CEP192: variants seen among roughly 807,000 people sequenced by gnomAD.
CEP192 encodes the protein centrosomal protein 192.
Under a neutral mutation model 271.8 loss-of-function variants are expected in CEP192, and 151 were observed. That is an observed-to-expected ratio of 0.56 (90% confidence interval 0.49 to 0.64). The LOEUF is 0.64. Among genes scored for constraint, CEP192 ranks in the 30% least tolerant of loss-of-function variants. The pLI, the probability that CEP192 is intolerant of heterozygous loss-of-function variation, is 0.00. For synonymous variants in CEP192, 995 were observed against 1,076.5 expected (o/e 0.92, Z 1.48); for missense variants, 2,910 against 3,020.5 (o/e 0.96, Z 0.86).
intron 30 of CEP192, among the ~76,000 whole-genome samples, chr18:13,081,713 T>C (rs561155353): frequency 6.6e-6 from 1 of 152,208 alleles, no homozygotes; most frequent in South Asian, 2.1e-4. Context: ...CCTCTAGTTC[T>C]TTTAATTGTG....
chr18:13,040,538 T>A (rs1296708647), intron 13 of CEP192, among the ~76,000 whole-genome samples: 1 of 152,252 alleles, frequency 6.6e-6, no homozygotes, highest in Admixed American at 6.5e-5. Flanking sequence ...TTTTATCTGC[T>A]GCAGGTGTGA....
rs113026471 is a variant in CEP192 at position 13,026,106 on chromosome 18, T to C, written c.1051-3557T>C. Among the ~76,000 whole-genome samples the C allele has an allele frequency of 7.8e-3, 1,183 of 152,358 alleles. 23 individuals are homozygous for C. Among genetic ancestry groups the C allele is most frequent in the African/African-American group, 0.023 (941 of 41,588 alleles). ...TGAGAAGGTATTTCCCTTTCATGTT[T>C]GAAGGATAATTTCTTAGGGTACAGA... is the stretch of plus-strand genomic sequence containing the variant. On this transcript the variant is annotated intron_variant, in intron 9 of 44. Transcript: ENST00000506447.
intron 15 of CEP192, among the ~76,000 whole-genome samples, chr18:13,048,417 A>G (rs952910399): frequency 6.6e-6 from 1 of 152,188 alleles, no homozygotes; most frequent in African/African-American, 2.4e-5. Flanking sequence ...CCCAAAGTGC[A>G]AGAGTAGTGT....
Position 13,093,426 on chromosome 18 carries a change from G to T in CEP192, c.6254+899G>T, listed in dbSNP as rs117724528. ...TATCCTATCTGCTTACTCTCTTTCA[G>T]AATAGAGTTCCTTAGCCTTTCCTTA... On this transcript the variant is annotated intron_variant, in intron 34 of 44. Coordinates refer to ENST00000506447, the MANE Select transcript of CEP192 (RefSeq NM_032142.4). 2.3e-3 allele frequency among the ~76,000 whole-genome samples: 356 copies of T among 152,286 alleles called. 8 individuals are homozygous for T. The East Asian group carries it at 0.047, about 20-fold the overall frequency.
chr18:13,064,098 C>T (rs1351202998), intron 21 of CEP192, among the ~76,000 whole-genome samples: 2 of 151,744 alleles, frequency 1.3e-5, no homozygotes, highest in East Asian at 2.0e-4. Context: ...GGATTACAGG[C>T]GTGAGCCACT....
At chr18:13,119,798 TAAAA>T (rs2040584100) in intron 44 of CEP192, among the ~76,000 whole-genome samples, 1 of 152,206 alleles carries the variant, frequency 6.6e-6, no homozygotes, top group African/African-American at 2.4e-5. Context: ...AAGTTTCATT[TAAAA>T]AAATTATCTT....
Position 13,087,147 on chromosome 18 carries a change from G to A in CEP192, c.5747G>A (p.Arg1916His), listed in dbSNP as rs752569733. 2.5e-5 allele frequency: 41 copies of A among 1,614,086 alleles called. No individual in the cohort carries two copies. Among genetic ancestry groups the A allele is most frequent in the South Asian group, 3.3e-5 (3 of 91,086 alleles). Residue 1916 changes from arginine to histidine, a missense_variant, in exon 31 of 45, where the codon CGC becomes CAC. Physicochemically the swap from Arg to His is conservative, Grantham distance 29. Transcript: ENST00000506447. ...GKESKIVFSV[R>H]NTGSRAAFVK... Reference sequence around the variant, plus strand: ...GAAAGTAAAATTGTTTTTTCTGTCCGCAACACTGGCTCCCGAGCAGCTTTT... The same window carrying A: ...GAAAGTAAAATTGTTTTTTCTGTCCACAACACTGGCTCCCGAGCAGCTTTT...
At chr18:13,019,500 A>T (rs1175131116) in intron 9 of CEP192, among the ~76,000 whole-genome samples, 1 of 152,144 alleles carries the variant, frequency 6.6e-6, no homozygotes, top group African/African-American at 2.4e-5. Flanking sequence ...CCTTGCTCAA[A>T]CATGTTTGTT....
At chr18:13,027,344 G>A (rs1379928748) in intron 9 of CEP192, among the ~76,000 whole-genome samples, 1 of 152,150 alleles carries the variant, frequency 6.6e-6, no homozygotes, top group Non-Finnish European at 1.5e-5. Flanking sequence ...ATTATTTGCT[G>A]TGAGAACTTG....
At chr18:13,058,942 GT>G in intron 20 of CEP192, 139 bp from the exon 21 acceptor site, 2 of 636,994 alleles carry the variant, frequency 3.1e-6, no homozygotes, top group Non-Finnish European at 5.6e-6. Flanking sequence ...AAATGACAAG[GT>G]TTTGACATTT....
chr18:13,048,753 A>T, intron 15 of CEP192, 106 bp from the exon 16 acceptor site: 1 of 708,796 alleles, frequency 1.4e-6, no homozygotes, highest in Non-Finnish European at 2.4e-6. Flanking sequence ...GGTTTCAGGT[A>T]TCCACTTGGA....
chr18:13,113,335 C>T (rs1019553889), intron 40 of CEP192, among the ~76,000 whole-genome samples: 3 of 152,162 alleles, frequency 2.0e-5, no homozygotes, highest in African/African-American at 7.2e-5. Flanking sequence ...TTTCCCCCCA[C>T]AGTAAAGCAT....
intron 36 of CEP192, 116 bp from the exon 37 acceptor site, chr18:13,099,360 C>T: frequency 1.7e-6 from 1 of 602,930 alleles, no homozygotes; most frequent in East Asian, 2.9e-5. Flanking sequence ...CTGTTCTCTG[C>T]TCTTCCTGAG....
At chr18:13,019,295 C>T (rs939182620) in intron 9 of CEP192, 89 bp downstream of exon 9, 21 of 1,124,682 alleles carry the variant, frequency 1.9e-5, no homozygotes, top group Non-Finnish European at 2.4e-5. Flanking sequence ...TTCAAAGAAA[C>T]AGTAACTGTT....
rs1166986431 is a variant in CEP192 at position 13,078,830 on chromosome 18, C to G, written c.5616+5645C>G. Among the ~76,000 whole-genome samples, 3 of 152,118 alleles carry G rather than the reference C, an allele frequency of 2.0e-5. No homozygotes were observed. The East Asian group carries it at 5.8e-4, about 29-fold the overall frequency. ...CCCCCATGTGTGTGATGTTTCCCAC[C>G]CAGTGTCCAAGTGTTCTCATTGTTC... On this transcript the variant is annotated intron_variant, in intron 30 of 44. Transcript: ENST00000506447.
chr18:13,089,801 G>C (rs1171644198), intron 33 of CEP192, among the ~76,000 whole-genome samples: 1 of 152,224 alleles, frequency 6.6e-6, no homozygotes, highest in Non-Finnish European at 1.5e-5. Flanking sequence ...CATCCATACA[G>C]AGTTGTTATA....
intron 2 of CEP192, 71 bp from the exon 3 acceptor site, chr18:13,001,386 C>G: frequency 9.1e-7 from 1 of 1,096,822 alleles, no homozygotes; most frequent in Non-Finnish European, 1.3e-6. Flanking sequence ...GTCACGCAGC[C>G]CTATGTCATG....
chr18:13,121,602 A>G (rs770866644), intron 44 of CEP192, among the ~76,000 whole-genome samples: 1 of 152,200 alleles, frequency 6.6e-6, no homozygotes, highest in Non-Finnish European at 1.5e-5. Flanking sequence ...TTCTTTTTTG[A>G]GGGTTCTGAG....
In CEP192 at chr18:13,087,117, G is replaced by C; in HGVS notation, c.5717G>C (p.Gly1906Ala). The C allele has an allele frequency of 6.2e-7, 1 of 1,614,008 alleles. No homozygotes were observed. The highest frequency in any genetic ancestry group is 2.2e-5 in the East Asian group (1 of 44,860). Residue 1906 changes from glycine (G) to alanine (A), a missense_variant, in exon 31 of 45, where the codon GGC (glycine) becomes GCC (alanine). By Grantham distance (60) the Gly-to-Ala change is moderately conservative (BLOSUM62 0). Coordinates refer to ENST00000506447, the MANE Select transcript of CEP192 (RefSeq NM_032142.4). ...YMVTVNGLVP[G>A]KESKIVFSVR... ...GTAACAGTGAATGGCTTAGTACCTG[G>C]CAAAGAAAGTAAAATTGTTTTTTCT...
Sources: gnomAD v4.1 joint callset for allele counts (sites outside exome capture counted in the v4.1 genomes callset) on GRCh38, gnomAD v4.1.1 for gene constraint, MANE v1.5 for transcripts, NCBI Gene and HGNC (gene_info 2026-07-23, HGNC 2026-07-21) for gene names.